MTHFD1L: variants seen among roughly 807,000 people sequenced by gnomAD.
MTHFD1L encodes methylenetetrahydrofolate dehydrogenase (NADP+ dependent) 1 like.
A neutral mutation model predicts 119.5 loss-of-function variants in MTHFD1L; 81 were observed. The observed-to-expected ratio is 0.68, with a 90% CI of 0.57 to 0.82. MTHFD1L has a LOEUF of 0.82. MTHFD1L is among the 40% of genes least tolerant of loss of function. The pLI is 0.00. For missense variants in MTHFD1L, 1,125 were observed against 1,253.4 expected (o/e 0.90, Z 1.55); for synonymous variants, 430 against 475.2 (o/e 0.90, Z 1.24).
At chr6:150,952,927 A>G (rs1356964107) in intron 16 of MTHFD1L, among the ~76,000 whole-genome samples, 1 of 152,260 alleles carries the variant, frequency 6.6e-6, no homozygotes, top group Non-Finnish European at 1.5e-5. Context: ...GAAATACTTA[A>G]CATAAGCAGA....
At chr6:150,994,570 C>A (rs1779568995) in intron 20 of MTHFD1L, among the ~76,000 whole-genome samples, 1 of 152,152 alleles carries the variant, frequency 6.6e-6, no homozygotes, top group African/African-American at 2.4e-5. Context: ...GCAAGAAGAC[C>A]TATGACTTCT....
chr6:151,058,456 T>C (rs1390657858), intron 26 of MTHFD1L, among the ~76,000 whole-genome samples: 3 of 152,234 alleles, frequency 2.0e-5, no homozygotes, highest in Non-Finnish European at 4.4e-5. Flanking sequence ...CTTTGAAGGA[T>C]GACCTACTGG....
chr6:150,958,978 C>G (rs1389242259), intron 17 of MTHFD1L, among the ~76,000 whole-genome samples: 1 of 152,058 alleles, frequency 6.6e-6, no homozygotes. Flanking sequence ...AAGAATGTTT[C>G]TAGTCTCATG....
intron 24 of MTHFD1L, among the ~76,000 whole-genome samples, chr6:151,023,679 A>G (rs1007698468): frequency 3.9e-5 from 6 of 152,226 alleles, no homozygotes; most frequent in African/African-American, 1.4e-4. Flanking sequence ...ATACTTACAC[A>G]TGTCACAAGA....
In MTHFD1L at chr6:150,985,660, C is replaced by CAAA. The variant is rs71014533; in HGVS notation, c.2125+13621_2125+13623dup. ...TGGGTGACAGAGTGAGACTCTGTCT[C>CAAA]AAAAAAAAAAAAAAAAAAAAAGAAA... On this transcript the variant is annotated intron_variant, in intron 20 of 27. Coordinates refer to ENST00000367321, the MANE Select transcript of MTHFD1L (RefSeq NM_015440.5). Among the ~76,000 whole-genome samples the CAAA allele has an allele frequency of 1.2e-3, 93 of 78,852 alleles. 1 individual carries two copies. Among genetic ancestry groups the CAAA allele is most frequent in the Non-Finnish European group, 1.5e-3 (61 of 40,444 alleles). The allele number at this position is 78,852 out of a possible 152,430, so 51.7% of individuals were successfully genotyped here. A position where few individuals can be genotyped will look rare whatever the true frequency, so the allele number is the denominator to read the frequency against.
intron 24 of MTHFD1L, among the ~76,000 whole-genome samples, chr6:151,016,502 T>TAAA (rs1783079510): frequency 1.3e-5 from 2 of 151,818 alleles, no homozygotes; most frequent in East Asian, 3.9e-4. Context: ...TTTGTATTTT[T>TAAA]AGTAGAGACG....
At chr6:150,945,129 TACA>T (rs1022517926) in intron 14 of MTHFD1L, among the ~76,000 whole-genome samples, 42 of 152,376 alleles carry the variant, frequency 2.8e-4, no homozygotes, top group African/African-American at 9.9e-4. Flanking sequence ...TGGCACATTT[TACA>T]ACAAGGGTCC....
chr6:150,904,220 A>C lies in MTHFD1L; in HGVS notation c.781-1430A>C, dbSNP rs561340945. ...GCTGAGAATGGATAAGGGTGTCCCC[A>C]ACACGTTTATTTGGTGGTTTGGTGG... On this transcript the variant is annotated intron_variant, in intron 7 of 27. Transcript: ENST00000367321. Among the ~76,000 whole-genome samples, 12 of 152,324 alleles carry C rather than the reference A, an allele frequency of 7.9e-5. No individual in the cohort carries two copies. In the South Asian group the frequency reaches 2.5e-3, roughly 32 times the overall value.
At chr6:150,948,671 G>T (rs803472) in intron 15 of MTHFD1L, among the ~76,000 whole-genome samples, 48,412 of 147,812 alleles carry the variant, frequency 0.33, 8,015 homozygotes, top group South Asian at 0.5. Context: ...ATGGAGTTTC[G>T]CTCTTGTTGC....
At chr6:150,958,420 C>T (rs1406168607) in intron 17 of MTHFD1L, among the ~76,000 whole-genome samples, 1 of 152,138 alleles carries the variant, frequency 6.6e-6, no homozygotes, top group Non-Finnish European at 1.5e-5. Context: ...ATACTTGATA[C>T]TATCCTTAGG....
intron 17 of MTHFD1L, among the ~76,000 whole-genome samples, chr6:150,957,535 C>T (rs948000074): frequency 2.6e-5 from 4 of 152,022 alleles, no homozygotes; most frequent in East Asian, 1.9e-4. Flanking sequence ...AAATGTGTAA[C>T]GTACAGGAAA....
chr6:151,058,111 G>A (rs1790204805), intron 26 of MTHFD1L, among the ~76,000 whole-genome samples: 1 of 152,202 alleles, frequency 6.6e-6, no homozygotes, highest in South Asian at 2.1e-4. Flanking sequence ...CAGAGAACCT[G>A]TGGCTTATCC....
chr6:150,880,761 A>G (rs911760156), intron 4 of MTHFD1L, among the ~76,000 whole-genome samples: 4 of 152,120 alleles, frequency 2.6e-5, no homozygotes, highest in African/African-American at 9.7e-5. Flanking sequence ...CCTCGCCAGC[A>G]TTTGTTATTG....
chr6:150,892,487 CGTT>C (rs1288475088), intron 7 of MTHFD1L, among the ~76,000 whole-genome samples: 1 of 152,120 alleles, frequency 6.6e-6, no homozygotes, highest in Non-Finnish European at 1.5e-5. Flanking sequence ...GTTGCACACA[CGTT>C]TTTTTCCCTA....
intron 26 of MTHFD1L, among the ~76,000 whole-genome samples, chr6:151,044,796 T>C (rs1400854668): frequency 1.3e-5 from 2 of 152,130 alleles, no homozygotes; most frequent in Non-Finnish European, 2.9e-5. Flanking sequence ...GGCTGGACTC[T>C]GGAAAGCAGG....
At chr6:150,866,520 C>G in intron 1 of MTHFD1L, 1 of 1,286,048 alleles carries the variant, frequency 7.8e-7, no homozygotes, top group Non-Finnish European at 9.8e-7. Flanking sequence ...GAGGCGGGCT[C>G]GGGCCCAGCG....
chr6:151,064,773 TTACTA>T (rs1442795001), intron 26 of MTHFD1L, among the ~76,000 whole-genome samples: 2 of 150,162 alleles, frequency 1.3e-5, no homozygotes, highest in African/African-American at 2.4e-5. Flanking sequence ...TTAAAATGTG[TTACTA>T]TTCTTTTTTT....
chr6:150,883,037 A>ATTTT, intron 5 of MTHFD1L, 151 bp downstream of exon 5: 1 of 613,128 alleles, frequency 1.6e-6, no homozygotes. Context: ...AGTCTATAGG[A>ATTTT]TTTTTTTTTT....
intron 20 of MTHFD1L, among the ~76,000 whole-genome samples, chr6:150,981,588 A>G (rs1421740275): frequency 6.6e-6 from 1 of 152,190 alleles, no homozygotes; most frequent in Non-Finnish European, 1.5e-5. Flanking sequence ...GTAAATGGCA[A>G]GATCATAAAT....
Sources: gnomAD v4.1 joint callset for allele counts (sites outside exome capture counted in the v4.1 genomes callset) on GRCh38, gnomAD v4.1.1 for gene constraint, MANE v1.5 for transcripts, NCBI Gene and HGNC (gene_info 2026-07-23, HGNC 2026-07-21) for gene names.